The following FAM13A variants were observed in gnomAD, a reference collection of about 807,000 sequenced individuals.
FAM13A encodes family with sequence similarity 13 member A, also known as protein FAM13A.
A neutral mutation model predicts 129.6 loss-of-function variants in FAM13A; 76 were observed. That is an observed-to-expected ratio of 0.59 (90% CI 0.49 to 0.71). The LOEUF (loss-of-function observed/expected upper bound fraction) is 0.71. Ranked by LOEUF, FAM13A falls within the 30% of genes least tolerant of loss-of-function variation. FAM13A has a pLI of 0.00. For missense variants in FAM13A, 1,108 were observed against 1,249.3 expected (o/e 0.89, Z 1.70); for synonymous variants, 443 against 449.9 (o/e 0.98, Z 0.20).
intron 14 of FAM13A, among the ~76,000 whole-genome samples, chr4:88,751,053 C>T (rs1742492030): frequency 6.6e-6 from 1 of 152,194 alleles, no homozygotes; most frequent in Non-Finnish European, 1.5e-5. Flanking sequence ...ACCAGCCTGG[C>T]CAACATGGTG....
Position 89,011,858 on chromosome 4 carries a change from T to C in FAM13A, c.427+8602A>G, listed in dbSNP as rs1480745871. Reference sequence around the variant, plus strand: ...TTAGTTACCACTGACTGGATGTTTTTATTGTTCATTTAAAGCACTATTGTA... The same window carrying C: ...TTAGTTACCACTGACTGGATGTTTTCATTGTTCATTTAAAGCACTATTGTA... On this transcript the variant is annotated intron_variant, in intron 3 of 23. Coordinates refer to ENST00000264344, the MANE Select transcript of FAM13A (RefSeq NM_014883.4). Among the ~76,000 whole-genome samples, 3 of 152,218 alleles carry C rather than the reference T, an allele frequency of 2.0e-5. No individual in the cohort carries two copies. The South Asian group carries it at 6.2e-4, about 31-fold the overall frequency.
At chr4:88,959,277 G>A (rs2148907531) in intron 4 of FAM13A, among the ~76,000 whole-genome samples, 1 of 152,266 alleles carries the variant, frequency 6.6e-6, no homozygotes, top group African/African-American at 2.4e-5. Context: ...GAATGATATA[G>A]TTTGAATATT....
chr4:88,986,865 C>T (rs560986230), intron 4 of FAM13A, among the ~76,000 whole-genome samples: 107 of 152,270 alleles, frequency 7.0e-4, no homozygotes, highest in African/African-American at 2.5e-3. Context: ...TCCATTATTT[C>T]TTCCATTCAG....
intron 17 of FAM13A, 151 bp from the exon 18 acceptor site, chr4:88,748,002 G>A: frequency 1.7e-6 from 1 of 596,194 alleles, no homozygotes; most frequent in Non-Finnish European, 2.9e-6. Flanking sequence ...CCATTCTCCT[G>A]CCTCAGTCTC....
chr4:88,745,411 A>C (rs2149450324), intron 19 of FAM13A, among the ~76,000 whole-genome samples: 1 of 152,160 alleles, frequency 6.6e-6, no homozygotes, highest in Middle Eastern at 3.4e-3. Context: ...CACACAAAAT[A>C]CTCAATTGGC....
chr4:88,806,364 T>G (rs1419888824), intron 7 of FAM13A, among the ~76,000 whole-genome samples: 1 of 152,190 alleles, frequency 6.6e-6, no homozygotes, highest in Admixed American at 6.5e-5. Flanking sequence ...TCTCTTTCTC[T>G]CTCTTTTTGC....
At position 88,726,482 on chromosome 4, in the gene FAM13A, G is replaced by C. The variant is rs2149365638; in HGVS notation, c.*2051C>G. On this transcript the variant is annotated 3_prime_UTR_variant, in exon 24 of 24. Coordinates refer to ENST00000264344, the MANE Select transcript of FAM13A (RefSeq NM_014883.4). ...ACAACAGATTCCAAAACAATTAGTA[G>C]CATCTCATTTATTTGTAGCTTAAAA... 1 of 152,508 alleles carries C rather than the reference G, an allele frequency of 6.6e-6. No individual in the cohort carries two copies. The highest frequency in any genetic ancestry group is 2.4e-5 in the African/African-American group (1 of 41,458). The allele number at this position is 152,508 out of a possible 1,614,324, so 9.4% of individuals were successfully genotyped here. A position where few individuals can be genotyped will look rare whatever the true frequency, so the allele number is the denominator to read the frequency against.
chr4:88,758,748 C>A lies in FAM13A; in HGVS notation c.1726+6G>T. The A allele has an allele frequency of 6.2e-7, 1 of 1,610,210 alleles. No individual in the cohort carries two copies. The highest frequency in any genetic ancestry group is 8.5e-7 in the Non-Finnish European group (1 of 1,177,802). ...AGCAAATCATCCAAGTATCAGACAA[C>A]CCTACCTTCCCAGTTCTTTTCATCA... On this transcript the variant is annotated splice_donor_region_variant and intron_variant, in intron 14 of 23. Transcript: ENST00000264344.
chr4:88,804,160 A>G (rs765296769), intron 8 of FAM13A, among the ~76,000 whole-genome samples: 19 of 152,072 alleles, frequency 1.2e-4, no homozygotes, highest in Non-Finnish European at 2.5e-4. Flanking sequence ...AGGCTGAGGC[A>G]GAGAATTGCT....
chr4:88,833,998 T>A (rs1338505209), intron 7 of FAM13A, among the ~76,000 whole-genome samples: 1 of 151,196 alleles, frequency 6.6e-6, no homozygotes, highest in African/African-American at 2.4e-5. Context: ...CTCAAGCAAT[T>A]CCCACCTCAG....
At chr4:88,981,245 C>T (rs753779806) in intron 4 of FAM13A, among the ~76,000 whole-genome samples, 3 of 152,048 alleles carry the variant, frequency 2.0e-5, no homozygotes, top group Non-Finnish European at 4.4e-5. Context: ...AAATTAAAGA[C>T]ATACATGTTA....
At chr4:89,037,310 G>C (rs563671685) in intron 1 of FAM13A, among the ~76,000 whole-genome samples, 1 of 152,344 alleles carries the variant, frequency 6.6e-6, no homozygotes, top group East Asian at 1.9e-4. Flanking sequence ...AGTGAAAGAA[G>C]ATTATTTTTG....
chr4:88,732,304 T>G, intron 21 of FAM13A, 106 bp from the exon 22 acceptor site: 1 of 752,608 alleles, frequency 1.3e-6, no homozygotes, highest in Non-Finnish European at 2.2e-6. Context: ...CCATATAGTT[T>G]CTTCTGTATC....
At chr4:88,957,664 G>A (rs1757968397) in intron 4 of FAM13A, among the ~76,000 whole-genome samples, 1 of 152,190 alleles carries the variant, frequency 6.6e-6, no homozygotes, top group Non-Finnish European at 1.5e-5. Context: ...GAAGAAGATA[G>A]GAAGACAAGG....
At chr4:89,000,420 C>G (rs1234631079) in intron 3 of FAM13A, among the ~76,000 whole-genome samples, 1 of 152,128 alleles carries the variant, frequency 6.6e-6, no homozygotes, top group Non-Finnish European at 1.5e-5. Flanking sequence ...AAGCCAGTCA[C>G]AAAGTACCAC....
At chr4:89,056,608 C>G (rs1172716203) in intron 1 of FAM13A, among the ~76,000 whole-genome samples, 1 of 152,136 alleles carries the variant, frequency 6.6e-6, no homozygotes, top group Non-Finnish European at 1.5e-5. Flanking sequence ...TCTCTAATAG[C>G]TATAATGAAG....
chr4:88,854,124 C>T (rs1738088693), intron 6 of FAM13A, among the ~76,000 whole-genome samples: 1 of 152,174 alleles, frequency 6.6e-6, no homozygotes, highest in African/African-American at 2.4e-5. Context: ...TAATAAACTC[C>T]TCTTCATAAT....
intron 4 of FAM13A, among the ~76,000 whole-genome samples, chr4:88,986,548 C>T (rs538362555): frequency 2.6e-4 from 39 of 152,358 alleles, no homozygotes; most frequent in African/African-American, 8.9e-4. Context: ...GTGAACTCAA[C>T]CATATGCCAA....
At chr4:88,861,198 T>C (rs374303688) in intron 6 of FAM13A, among the ~76,000 whole-genome samples, 1 of 151,960 alleles carries the variant, frequency 6.6e-6, no homozygotes, top group Admixed American at 6.6e-5. Context: ...CTGGTCAACA[T>C]GGCAAAACCC....
Sources: gnomAD v4.1 joint callset for allele counts (sites outside exome capture counted in the v4.1 genomes callset) on GRCh38, gnomAD v4.1.1 for gene constraint, MANE v1.5 for transcripts, NCBI Gene and HGNC (gene_info 2026-07-23, HGNC 2026-07-21) for gene names.